XNDC1N: variants seen among roughly 807,000 people sequenced by gnomAD.
The protein encoded by XNDC1N is XRCC1 N-terminal domain containing 1, N-terminal like, also known as protein XNDC1N.
At chr11:71,885,785 A>T in the XNDC1N span, among the ~76,000 whole-genome samples, 1 of 151,926 alleles carries the variant, frequency 6.6e-6, no homozygotes, top group African/African-American at 2.4e-5. Flanking sequence ...TATTAATATT[A>T]ATATTAATTC....
chr11:71,910,145 G>A, the XNDC1N span, among the ~76,000 whole-genome samples: 4 of 152,154 alleles, frequency 2.6e-5, no homozygotes, highest in Non-Finnish European at 1.5e-5. Context: ...TTCCTTGTCA[G>A]TCTCCATGGA....
chr11:71,906,485 TATCAG>T, the XNDC1N span, among the ~76,000 whole-genome samples: 1 of 152,042 alleles, frequency 6.6e-6, no homozygotes, highest in Non-Finnish European at 1.5e-5. Flanking sequence ...TAAGGAATAA[TATCAG>T]AGAATGTACA....
At chr11:71,872,870 T>A in the XNDC1N span, among the ~76,000 whole-genome samples, 1 of 152,242 alleles carries the variant, frequency 6.6e-6, no homozygotes, top group African/African-American at 2.4e-5. Flanking sequence ...TTCATTCGTA[T>A]TTCCCTGAAA....
chr11:71,870,440 C>T, the XNDC1N span, among the ~76,000 whole-genome samples: 4 of 152,292 alleles, frequency 2.6e-5, no homozygotes, highest in South Asian at 8.3e-4. Context: ...GGTGAGAAAC[C>T]TGCTGCACTT....
chr11:71,912,482 T>G, the XNDC1N span, among the ~76,000 whole-genome samples: 1 of 152,144 alleles, frequency 6.6e-6, no homozygotes, highest in Non-Finnish European at 1.5e-5. Context: ...GCGAGTAATA[T>G]CATTCTTTTC....
At chr11:71,913,744 C>A in the XNDC1N span, among the ~76,000 whole-genome samples, 1 of 151,426 alleles carries the variant, frequency 6.6e-6, no homozygotes, top group South Asian at 2.1e-4. Flanking sequence ...GAGAAGTCAA[C>A]GCCTGGCTTC....
chr11:71,917,805 A>G, the XNDC1N span: 1 of 701,420 alleles, frequency 1.4e-6, no homozygotes, highest in Non-Finnish European at 2.6e-6. Context: ...GAGAAGGATA[A>G]GAGGAATGAG....
At chr11:71,884,575 A>G in the XNDC1N span, 4 of 1,591,166 alleles carry the variant, frequency 2.5e-6, no homozygotes, top group South Asian at 1.1e-5. Flanking sequence ...TTCTAACTCC[A>G]TCTTCTTCAG....
chr11:71,909,273 G>A, the XNDC1N span, among the ~76,000 whole-genome samples: 1,955 of 146,836 alleles, frequency 0.013, 21 homozygotes, highest in Middle Eastern at 0.05. Context: ...AGAGAATGGA[G>A]GTCAGGCCCG....
chr11:71,909,449 A>G, the XNDC1N span, among the ~76,000 whole-genome samples: 1 of 152,150 alleles, frequency 6.6e-6, no homozygotes, highest in Admixed American at 6.5e-5. Flanking sequence ...AAATGCCCTC[A>G]GCTCAAAAGA....
chr11:71,906,779 C>G, the XNDC1N span, among the ~76,000 whole-genome samples: 1 of 152,046 alleles, frequency 6.6e-6, no homozygotes, highest in Non-Finnish European at 1.5e-5. Flanking sequence ...AGTCACATCC[C>G]AAAAAACTAT....
chr11:71,900,697 C>T, the XNDC1N span, among the ~76,000 whole-genome samples: 1 of 152,192 alleles, frequency 6.6e-6, no homozygotes, highest in Non-Finnish European at 1.5e-5. Flanking sequence ...TGACAGACAC[C>T]ATGGCATCAT....
chr11:71,900,078 C>A, the XNDC1N span, among the ~76,000 whole-genome samples: 1 of 152,256 alleles, frequency 6.6e-6, no homozygotes, highest in Non-Finnish European at 1.5e-5. Flanking sequence ...ATCATAGTAC[C>A]TTCCCTTGAA....
the XNDC1N span, among the ~76,000 whole-genome samples, chr11:71,896,764 C>G: frequency 2.0e-5 from 3 of 152,222 alleles, no homozygotes; most frequent in Non-Finnish European, 4.4e-5. Context: ...GGGTTTCTCC[C>G]TGTCGGTCAG....
the XNDC1N span, among the ~76,000 whole-genome samples, chr11:71,872,093 A>G: frequency 1.4e-4 from 21 of 152,226 alleles, no homozygotes; most frequent in Non-Finnish European, 2.8e-4. Context: ...ATAAAAAAGA[A>G]CAAATACTAA....
At chr11:71,883,078 T>C in the XNDC1N span, among the ~76,000 whole-genome samples, 2 of 152,094 alleles carry the variant, frequency 1.3e-5, no homozygotes, top group African/African-American at 4.8e-5. Context: ...CAGACATTCA[T>C]GAAAGAAATT....
chr11:71,876,290 T>C, the XNDC1N span, among the ~76,000 whole-genome samples: 1 of 152,200 alleles, frequency 6.6e-6, no homozygotes, highest in African/African-American at 2.4e-5. Context: ...AGCTTATATT[T>C]GATAGCTTGA....
chr11:71,919,769 C>T, the XNDC1N span, among the ~76,000 whole-genome samples: 25 of 138,518 alleles, frequency 1.8e-4, no homozygotes, highest in South Asian at 7.1e-4. Context: ...AGGCGCCCAC[C>T]ACCATGCCCG....
chr11:71,899,009 G>C, the XNDC1N span, among the ~76,000 whole-genome samples: 1 of 152,176 alleles, frequency 6.6e-6, no homozygotes, highest in Admixed American at 6.5e-5. Flanking sequence ...ATACACACTA[G>C]CTTTCTCCTG....
Sources: allele counts gnomAD v4.1 joint callset (sites outside exome capture counted in the v4.1 genomes callset), GRCh38; gene constraint gnomAD v4.1.1; transcripts MANE v1.5; gene names NCBI Gene and HGNC (gene_info 2026-07-23, HGNC 2026-07-21).